CDH4: variants seen among roughly 807,000 people sequenced by gnomAD.
The protein encoded by CDH4 is cadherin 4, also known as cadherin-4.
In CDH4, 33 loss-of-function variants were observed where a neutral mutation model predicts 86.0. The observed-to-expected ratio is 0.38, with a 90% CI of 0.29 to 0.51. The LOEUF is 0.51. CDH4 is among the 20% of genes least tolerant of loss of function. The probability of loss-of-function intolerance (pLI) is 0.86; values close to 1 mark genes in which losing one functional copy is unlikely to be tolerated. For missense variants in CDH4, 1,114 were observed against 1,307.4 expected, an observed-to-expected ratio of 0.85 and a Z score of 2.28; for synonymous variants, 555 against 549.4, an observed-to-expected ratio of 1.01 and a Z score of -0.14.
intron 2 of CDH4, among the ~76,000 whole-genome samples, chr20:61,532,068 G>A (rs1050812604): frequency 6.6e-6 from 1 of 152,196 alleles, no homozygotes; most frequent in African/African-American, 2.4e-5. Flanking sequence ...TGCCACTGAG[G>A]AGGAGAGGCG....
chr20:61,334,053 G>A (rs565171130), intron 2 of CDH4, among the ~76,000 whole-genome samples: 191 of 152,308 alleles, frequency 1.3e-3, no homozygotes, highest in African/African-American at 4.5e-3. Context: ...TCCAGCTTTG[G>A]AGGGTGTCCT....
At chr20:61,660,544 G>A (rs58536630) in intron 2 of CDH4, among the ~76,000 whole-genome samples, 25,235 of 152,138 alleles carry the variant, frequency 0.17, 2,509 homozygotes, top group Non-Finnish European at 0.23. Context: ...TGTTACATGT[G>A]GGTGCGCCTG....
At chr20:61,687,377 G>A (rs2087596167) in intron 2 of CDH4, among the ~76,000 whole-genome samples, 2 of 152,248 alleles carry the variant, frequency 1.3e-5, no homozygotes, top group East Asian at 1.9e-4. Context: ...CGGAGGCAGC[G>A]CTGTGCCGGG....
intron 3 of CDH4, among the ~76,000 whole-genome samples, chr20:61,761,461 C>T (rs921343444): frequency 6.6e-6 from 1 of 152,194 alleles, no homozygotes; most frequent in African/African-American, 2.4e-5. Context: ...AATCGATAGT[C>T]TTGGAGCACT....
At chr20:61,711,659 G>A (rs2087894637) in intron 2 of CDH4, among the ~76,000 whole-genome samples, 1 of 152,188 alleles carries the variant, frequency 6.6e-6, no homozygotes, top group Non-Finnish European at 1.5e-5. Flanking sequence ...AGTCTCCTTT[G>A]CAATGTAAGG....
intron 2 of CDH4, among the ~76,000 whole-genome samples, chr20:61,506,369 T>C (rs1360932069): frequency 6.6e-6 from 1 of 152,252 alleles, no homozygotes; most frequent in Non-Finnish European, 1.5e-5. Flanking sequence ...GGTTGCATAA[T>C]TCTTCAGTTC....
intron 4 of CDH4, among the ~76,000 whole-genome samples, chr20:61,789,313 G>A (rs1370010862): frequency 1.3e-5 from 2 of 152,210 alleles, no homozygotes; most frequent in Non-Finnish European, 2.9e-5. Context: ...AAGTTGAGAA[G>A]CTGATTTCAT....
chr20:61,882,583 G>A (rs994248512), intron 7 of CDH4, among the ~76,000 whole-genome samples: 17 of 152,170 alleles, frequency 1.1e-4, no homozygotes, highest in African/African-American at 3.6e-4. Flanking sequence ...CCCCTGGCCC[G>A]GGGGGTGCAG....
intron 6 of CDH4, among the ~76,000 whole-genome samples, chr20:61,864,129 G>A (rs1442981364): frequency 6.6e-6 from 1 of 152,284 alleles, no homozygotes; most frequent in East Asian, 1.9e-4. Context: ...CTAAGACGGT[G>A]GAGGCAGAGG....
intron 6 of CDH4, among the ~76,000 whole-genome samples, chr20:61,857,487 C>T (rs980271631): frequency 5.9e-5 from 9 of 152,204 alleles, no homozygotes; most frequent in South Asian, 2.1e-4. Context: ...CCTGAAATGA[C>T]GGGAGGGCCG....
intron 3 of CDH4, among the ~76,000 whole-genome samples, chr20:61,765,369 C>G (rs1004046537): frequency 4.6e-5 from 7 of 152,176 alleles, no homozygotes; most frequent in African/African-American, 1.4e-4. Flanking sequence ...GGGCTCTGTT[C>G]GACCGATGGA....
rs747291829 is a variant in CDH4, at chr20:61,684,020, G to A, written c.170-59543G>A. On this transcript the variant is annotated intron_variant, in intron 2 of 15. Transcript: ENST00000614565. This position sits in a 1 kb window ranked among gnomAD's most constrained non-coding sequence, Gnocchi z 4.5. ...GCTCCTCGTGTCTGGGGAGGTGGGC[G>A]TGGCAGGGACTACAGCCAGAGCTGG... Among the ~76,000 whole-genome samples the A allele has an allele frequency of 2.6e-5, 4 of 152,208 alleles. No individual in the cohort carries two copies. The highest frequency in any genetic ancestry group is 4.8e-5 in the African/African-American group (2 of 41,456).
rs2087868638 is a variant in CDH4, at chr20:61,709,627, G to A, written c.170-33936G>A. On this transcript the variant is annotated intron_variant, in intron 2 of 15. Transcript: ENST00000614565. This position sits in a 1 kb window ranked among gnomAD's most constrained non-coding sequence, Gnocchi z 4.8. ...TTATCGCTGGCTAATCACAGAGTGA[G>A]CAGAGGTGCATGGCAGAGAAGGTAG... is the stretch of plus-strand genomic sequence containing the variant. 6.6e-6 allele frequency among the ~76,000 whole-genome samples: 1 copy of A among 151,828 alleles called. No homozygotes were observed. The highest frequency in any genetic ancestry group is 2.1e-4 in the South Asian group (1 of 4,814).
At chr20:61,868,672 CT>C (rs199984670) in intron 6 of CDH4, among the ~76,000 whole-genome samples, 1 of 152,050 alleles carries the variant, frequency 6.6e-6, no homozygotes, top group Admixed American at 6.5e-5. Context: ...CGGATGTCCC[CT>C]CCACACTGGC....
intron 2 of CDH4, among the ~76,000 whole-genome samples, chr20:61,586,638 C>T (rs923600834): frequency 6.6e-6 from 1 of 152,146 alleles, no homozygotes; most frequent in African/African-American, 2.4e-5. Context: ...AGACAAAAAA[C>T]TTGAGGCACA....
intron 2 of CDH4, among the ~76,000 whole-genome samples, chr20:61,412,928 T>A (rs1181970704): frequency 1.3e-5 from 2 of 152,184 alleles, no homozygotes; most frequent in Non-Finnish European, 1.5e-5. Context: ...CCTGAGGGGC[T>A]GTTTCCAGAG....
At chr20:61,670,621 G>A (rs1197502002) in intron 2 of CDH4, among the ~76,000 whole-genome samples, 1 of 152,244 alleles carries the variant, frequency 6.6e-6, no homozygotes, top group African/African-American at 2.4e-5. Context: ...TGGAAAAAGT[G>A]CAAAGCACTT....
intron 2 of CDH4, among the ~76,000 whole-genome samples, chr20:61,736,074 C>T (rs1046076700): frequency 2.6e-5 from 4 of 152,158 alleles, no homozygotes; most frequent in Admixed American, 6.5e-5. Flanking sequence ...GCTCAGGGTG[C>T]CCCCCACTCC....
At chr20:61,700,761 TTCTTCATGTCTG>T (rs1429904220) in intron 2 of CDH4, among the ~76,000 whole-genome samples, 5 of 152,218 alleles carry the variant, frequency 3.3e-5, no homozygotes, top group African/African-American at 4.8e-5. Context: ...TCTTCATGTC[TTCTTCATGTCTG>T]TCTTCATGGC....
Sources: allele counts gnomAD v4.1 joint callset (sites outside exome capture counted in the v4.1 genomes callset), GRCh38; gene constraint gnomAD v4.1.1; non-coding constraint Gnocchi (gnomAD v3.1); transcripts MANE v1.5; gene names NCBI Gene and HGNC (gene_info 2026-07-23, HGNC 2026-07-21).